MLLT3: variants seen among roughly 807,000 people sequenced by gnomAD.
The protein encoded by MLLT3 is protein AF-9.
Under a neutral mutation model 53.2 loss-of-function variants are expected in MLLT3, and 4 were observed. The ratio of observed to expected loss-of-function variants is 0.08; its 90% CI spans 0.04 to 0.17. The LOEUF (loss-of-function observed/expected upper bound fraction) is 0.17. Among genes scored for constraint, MLLT3 ranks in the 10% least tolerant of loss-of-function variants. The pLI, the probability that MLLT3 is intolerant of heterozygous loss-of-function variation, is 1.00. For synonymous variants in MLLT3, 283 were observed against 230.6 expected (o/e 1.23, Z -2.06); for missense variants, 569 against 684.0 (o/e 0.83, Z 1.87).
At chr9:20,585,014 G>C (rs1245565600) in intron 2 of MLLT3, among the ~76,000 whole-genome samples, 1 of 152,160 alleles carries the variant, frequency 6.6e-6, no homozygotes, top group Non-Finnish European at 1.5e-5. Context: ...CAACTCATTT[G>C]AGTAAATACT....
chr9:20,621,860 G>A lies in MLLT3; in HGVS notation c.12+385C>T. 1 of 1,381,904 alleles carries A rather than the reference G, an allele frequency of 7.2e-7. No homozygotes were observed. Among genetic ancestry groups the A allele is most frequent in the Non-Finnish European group, 9.3e-7 (1 of 1,077,110 alleles). 85.6% of individuals were successfully genotyped at this position (1,381,904 alleles called of 1,614,324 possible). A position where few individuals can be genotyped will look rare whatever the true frequency, so the allele number is the denominator to read the frequency against. Reference sequence around the variant, plus strand: ...GACTGTGCCCGCAGCTCCCGGCGGCGGCGGCTGAAATATGGCTGAGTTATT... The same window carrying A: ...GACTGTGCCCGCAGCTCCCGGCGGCAGCGGCTGAAATATGGCTGAGTTATT... On this transcript the variant is annotated intron_variant, in intron 1 of 10. Coordinates refer to ENST00000380338, the MANE Select transcript of MLLT3 (RefSeq NM_004529.4). The surrounding 1 kb of genome is among the most constrained non-coding windows in gnomAD (Gnocchi z 7.0).
rs373338988 is a variant in MLLT3, at chr9:20,414,378, ACTG to A, written c.465_467del (p.Ser190del). On this transcript the variant is annotated inframe_deletion, in exon 5 of 11. Coordinates refer to ENST00000380338, the MANE Select transcript of MLLT3 (RefSeq NM_004529.4). The stretch of plus-strand genomic sequence containing the variant: ...TGCTGCTGCTGCTGCTGCTGCTGCT[ACTG>A]CTGCTGCTGCTGCTGCTGCTGGTAT... The A allele has an allele frequency of 1.1e-4, 154 of 1,369,476 alleles. No homozygotes were observed. The highest frequency in any genetic ancestry group is 6.7e-4 in the African/African-American group (45 of 67,556). 84.8% of individuals were successfully genotyped at this position (1,369,476 alleles called of 1,614,324 possible).
rs532229932 is a variant in MLLT3 at position 20,621,585 on chromosome 9, A to G, written c.12+660T>C. The stretch of plus-strand genomic sequence containing the variant: ...CCCGCAACACACTTTCAAGAGCCCA[A>G]GTGGCTCCAAAGTATCTCCCACCTC... On this transcript the variant is annotated intron_variant, in intron 1 of 10. Transcript: ENST00000380338. This position sits in a 1 kb window ranked among gnomAD's most constrained non-coding sequence, Gnocchi z 7.0. Among the ~76,000 whole-genome samples the G allele has an allele frequency of 6.6e-6, 1 of 151,582 alleles. No individual in the cohort carries two copies. Among genetic ancestry groups the G allele is most frequent in the African/African-American group, 2.4e-5 (1 of 41,300 alleles).
At chr9:20,502,883 T>C (rs1025689626) in intron 2 of MLLT3, among the ~76,000 whole-genome samples, 1 of 152,172 alleles carries the variant, frequency 6.6e-6, no homozygotes, top group African/African-American at 2.4e-5. Context: ...TTTTCAAACA[T>C]CAGTAGCATC....
chr9:20,607,789 T>G (rs1283088645), intron 2 of MLLT3, among the ~76,000 whole-genome samples: 2 of 152,038 alleles, frequency 1.3e-5, no homozygotes, highest in African/African-American at 4.8e-5. Context: ...ATCATGGACT[T>G]AATTAGATAA....
Position 20,481,934 on chromosome 9 carries a change from G to A in MLLT3, c.194-25148C>T, listed in dbSNP as rs192707045. ...TAAGACCACACTAGTGGTCAGCTGG[G>A]TAGTAACAAATACAGAGAACCAAGG... On this transcript the variant is annotated intron_variant, in intron 2 of 10. Coordinates refer to ENST00000380338, the MANE Select transcript of MLLT3 (RefSeq NM_004529.4). 3.9e-5 allele frequency among the ~76,000 whole-genome samples: 6 copies of A among 152,172 alleles called. No individual in the cohort carries two copies. In the East Asian group the frequency reaches 1.2e-3, roughly 29 times the overall value.
At chr9:20,368,814 G>A (rs1194349362) in intron 5 of MLLT3, among the ~76,000 whole-genome samples, 1 of 152,078 alleles carries the variant, frequency 6.6e-6, no homozygotes, top group African/African-American at 2.4e-5. Flanking sequence ...AATTCTACAA[G>A]GACATTAAAG....
At chr9:20,423,434 G>A (rs548735756) in intron 4 of MLLT3, among the ~76,000 whole-genome samples, 1 of 152,042 alleles carries the variant, frequency 6.6e-6, no homozygotes, top group Admixed American at 6.6e-5. Flanking sequence ...TTTTTGGCAG[G>A]TGATTAAAAA....
intron 4 of MLLT3, 128 bp from the exon 5 acceptor site, chr9:20,414,553 A>C (rs1396150825): frequency 1.4e-6 from 2 of 1,409,734 alleles, no homozygotes. Flanking sequence ...AAAATATTTT[A>C]ATATAAACCA....
intron 4 of MLLT3, among the ~76,000 whole-genome samples, chr9:20,418,099 T>A (rs1430028111): frequency 6.6e-6 from 1 of 152,224 alleles, no homozygotes; most frequent in Non-Finnish European, 1.5e-5. Context: ...GTTTTACTTA[T>A]CAAAACCAAC....
intron 2 of MLLT3, among the ~76,000 whole-genome samples, chr9:20,503,257 A>G (rs1313504461): frequency 6.6e-6 from 1 of 152,248 alleles, no homozygotes; most frequent in East Asian, 1.9e-4. Context: ...AGCAAAAAGA[A>G]CAAAGCTAGA....
intron 10 of MLLT3, among the ~76,000 whole-genome samples, chr9:20,351,013 A>G (rs1164641287): frequency 6.6e-6 from 1 of 152,154 alleles, no homozygotes; most frequent in South Asian, 2.1e-4. Context: ...AATGGCCTCT[A>G]CTATGGTCTG....
intron 2 of MLLT3, among the ~76,000 whole-genome samples, chr9:20,581,081 CA>C (rs1819780264): frequency 6.6e-6 from 1 of 152,186 alleles, no homozygotes; most frequent in Admixed American, 6.5e-5. Context: ...TTCCATTTAT[CA>C]GTGGATTCAT....
intron 5 of MLLT3, among the ~76,000 whole-genome samples, chr9:20,400,336 T>C (rs568652167): frequency 2.4e-4 from 37 of 152,282 alleles, no homozygotes; most frequent in Non-Finnish European, 4.3e-4. Context: ...GTAATACTTT[T>C]ACAAATTGCA....
At chr9:20,367,338 TC>T (rs2118657362) in intron 5 of MLLT3, among the ~76,000 whole-genome samples, 1 of 152,340 alleles carries the variant, frequency 6.6e-6, no homozygotes, top group African/African-American at 2.4e-5. Context: ...CTCTGATGTG[TC>T]TTTGCTCCCC....
At chr9:20,536,853 A>G (rs1818502507) in intron 2 of MLLT3, among the ~76,000 whole-genome samples, 1 of 152,052 alleles carries the variant, frequency 6.6e-6, no homozygotes, top group African/African-American at 2.4e-5. Flanking sequence ...TTAACTAGAA[A>G]AAAAAAAAAA....
chr9:20,405,318 C>T (rs1335754627), intron 5 of MLLT3, among the ~76,000 whole-genome samples: 1 of 152,202 alleles, frequency 6.6e-6, no homozygotes, highest in East Asian at 1.9e-4. Context: ...TTATTTCTTA[C>T]TCTTCCCTTT....
chr9:20,620,521 C>G lies in MLLT3; in HGVS notation c.193+133G>C. The G allele has an allele frequency of 1.6e-6, 1 of 626,072 alleles. No individual in the cohort carries two copies. Among genetic ancestry groups the G allele is most frequent in the East Asian group, 5.6e-5 (1 of 17,746 alleles). 38.8% of individuals were successfully genotyped at this position (626,072 alleles called of 1,614,324 possible). A position where few individuals can be genotyped will look rare whatever the true frequency, so the allele number is the denominator to read the frequency against. The stretch of plus-strand genomic sequence containing the variant: ...AGCCGGGACCTGGCCCGCGCGGCGC[C>G]GCGCACCCGGATCCCGAGGCTACGC... On this transcript the variant is annotated intron_variant, in intron 2 of 10. Transcript: ENST00000380338. The surrounding 1 kb of genome is among the most constrained non-coding windows in gnomAD (Gnocchi z 6.1).
intron 2 of MLLT3, among the ~76,000 whole-genome samples, chr9:20,600,721 C>CCG (rs918717640): frequency 2.8e-4 from 42 of 152,314 alleles, no homozygotes; most frequent in African/African-American, 9.4e-4. Context: ...GAACTGACTG[C>CCG]CTGAACACCC....
Sources: allele counts gnomAD v4.1 joint callset (sites outside exome capture counted in the v4.1 genomes callset), GRCh38; gene constraint gnomAD v4.1.1; non-coding constraint Gnocchi (gnomAD v3.1); transcripts MANE v1.5; gene names NCBI Gene and HGNC (gene_info 2026-07-23, HGNC 2026-07-21).